TIMP3: variants seen among roughly 807,000 people sequenced by gnomAD.
The protein encoded by TIMP3 is metalloproteinase inhibitor 3.
In TIMP3, 11 loss-of-function variants were observed where a neutral mutation model predicts 30.0. The observed-to-expected ratio is 0.37, with a 90% CI of 0.23 to 0.61. The LOEUF is 0.61. Among genes scored for constraint, TIMP3 ranks in the 20% least tolerant of loss-of-function variants. TIMP3 has a pLI of 0.70. For synonymous variants in TIMP3, 112 were observed against 111.3 expected, an observed-to-expected ratio of 1.01 and a Z score of -0.04; for missense variants, 181 against 276.8, an observed-to-expected ratio of 0.65 and a Z score of 2.45.
At chr22:32,845,095 A>G (rs1473613762) in intron 1 of TIMP3, among the ~76,000 whole-genome samples, 1 of 152,148 alleles carries the variant, frequency 6.6e-6, no homozygotes, top group Non-Finnish European at 1.5e-5. Context: ...AGCAAAAGAA[A>G]TTCTAGAGAG....
At chr22:32,853,765 T>C (rs548461272) in intron 2 of TIMP3, among the ~76,000 whole-genome samples, 8 of 152,340 alleles carry the variant, frequency 5.3e-5, no homozygotes, top group African/African-American at 1.9e-4. Flanking sequence ...AGCTAACTTT[T>C]ATTGAATGTT....
chr22:32,804,595 G>A (rs539499965), intron 1 of TIMP3, among the ~76,000 whole-genome samples: 132 of 152,284 alleles, frequency 8.7e-4, no homozygotes, highest in African/African-American at 3.0e-3. Flanking sequence ...GGTCCTCTCC[G>A]GGGGGCTGCC....
At chr22:32,813,486 T>TACACAC (rs130277) in intron 1 of TIMP3, among the ~76,000 whole-genome samples, 34 of 138,186 alleles carry the variant, frequency 2.5e-4, no homozygotes, top group South Asian at 5.1e-4. Flanking sequence ...TCTGAAAAGA[T>TACACAC]ACACACACAC....
At chr22:32,808,804 T>C (rs2046834340) in intron 1 of TIMP3, among the ~76,000 whole-genome samples, 2 of 152,292 alleles carry the variant, frequency 1.3e-5, no homozygotes, top group South Asian at 4.1e-4. Flanking sequence ...ACACCATCTC[T>C]AGTAAAACCC....
At chr22:32,814,680 A>G (rs2047040694) in intron 1 of TIMP3, among the ~76,000 whole-genome samples, 1 of 152,206 alleles carries the variant, frequency 6.6e-6, no homozygotes, top group South Asian at 2.1e-4. Context: ...TGGATAGTTA[A>G]CATCTGGATT....
intron 1 of TIMP3, among the ~76,000 whole-genome samples, chr22:32,814,838 G>A (rs1247849136): frequency 2.6e-5 from 4 of 152,116 alleles, no homozygotes; most frequent in Non-Finnish European, 5.9e-5. Flanking sequence ...CAGGATTGTG[G>A]CTACACGTGA....
intron 4 of TIMP3, 115 bp downstream of exon 4, chr22:32,858,253 TA>T: frequency 1.4e-6 from 2 of 1,475,386 alleles, no homozygotes; most frequent in Non-Finnish European, 1.8e-6. Context: ...ATGCATGTGT[TA>T]GGCCAGGGCA....
intron 1 of TIMP3, among the ~76,000 whole-genome samples, chr22:32,804,550 T>C (rs1250618223): frequency 1.3e-5 from 2 of 152,216 alleles, no homozygotes; most frequent in Non-Finnish European, 2.9e-5. Context: ...CTTGGTGCCA[T>C]GTTGGCCTAG....
intron 1 of TIMP3, among the ~76,000 whole-genome samples, chr22:32,807,299 T>TATATATAAATATATA (rs1208468158): frequency 7.8e-6 from 1 of 129,004 alleles, no homozygotes; most frequent in African/African-American, 2.9e-5. Context: ...GGAGGATATA[T>TATATATAAATATATA]ATATATAAAT....
At chr22:32,855,574 G>C (rs551970219) in intron 2 of TIMP3, among the ~76,000 whole-genome samples, 1 of 152,194 alleles carries the variant, frequency 6.6e-6, no homozygotes, top group African/African-American at 2.4e-5. Flanking sequence ...CTATAAAATG[G>C]GCATAATAGT....
chr22:32,835,182 A>G (rs968728208), intron 1 of TIMP3, among the ~76,000 whole-genome samples: 1 of 152,204 alleles, frequency 6.6e-6, no homozygotes, highest in Non-Finnish European at 1.5e-5. Context: ...ACAGTAGAGA[A>G]AGGTAGGGTG....
intron 1 of TIMP3, among the ~76,000 whole-genome samples, chr22:32,839,186 G>A (rs1364925113): frequency 6.6e-6 from 1 of 152,082 alleles, no homozygotes; most frequent in Non-Finnish European, 1.5e-5. Flanking sequence ...TATGGTCCCA[G>A]CTCTGAAGAG....
chr22:32,838,875 A>G (rs1245070825), intron 1 of TIMP3, among the ~76,000 whole-genome samples: 1 of 151,876 alleles, frequency 6.6e-6, no homozygotes, highest in East Asian at 2.0e-4. Flanking sequence ...GGAGTCCCAG[A>G]TGCAGTCCCT....
intron 1 of TIMP3, among the ~76,000 whole-genome samples, chr22:32,849,182 G>A (rs1304374502): frequency 6.6e-6 from 1 of 152,176 alleles, no homozygotes; most frequent in Non-Finnish European, 1.5e-5. Context: ...CAGGGTCGGC[G>A]GGGGTTGACT....
chr22:32,852,035 T>G (rs773638639), intron 2 of TIMP3, among the ~76,000 whole-genome samples: 8 of 152,250 alleles, frequency 5.3e-5, no homozygotes, highest in Admixed American at 1.3e-4. Context: ...TGATAAGACT[T>G]GGCATCAGTT....
chr22:32,817,495 A>G lies in TIMP3; in HGVS notation c.121+15373A>G, dbSNP rs376648464. The stretch of plus-strand genomic sequence containing the variant: ...TGTGATTGCTGAGTAGGGAAGAAGA[A>G]ATTAGGAAGTATCATCTGCATTACA... On this transcript the variant is annotated intron_variant, in intron 1 of 4. Coordinates refer to ENST00000266085, the MANE Select transcript of TIMP3 (RefSeq NM_000362.5). 2.6e-5 allele frequency among the ~76,000 whole-genome samples: 4 copies of G among 152,284 alleles called. No homozygotes were observed. In the East Asian group the frequency reaches 7.7e-4, roughly 29 times the overall value.
At chr22:32,843,587 A>G (rs868370058) in intron 1 of TIMP3, among the ~76,000 whole-genome samples, 18 of 152,278 alleles carry the variant, frequency 1.2e-4, no homozygotes, top group Middle Eastern at 3.4e-3. Context: ...GCCGTGAGAC[A>G]AGCTGGGTGA....
intron 1 of TIMP3, among the ~76,000 whole-genome samples, chr22:32,812,807 T>G (rs2046950285): frequency 6.6e-6 from 1 of 152,236 alleles, no homozygotes; most frequent in Non-Finnish European, 1.5e-5. Context: ...GGGCAGTCAC[T>G]ATCTGCTCCC....
chr22:32,844,672 C>T (rs112879295), intron 1 of TIMP3, among the ~76,000 whole-genome samples: 1 of 151,708 alleles, frequency 6.6e-6, no homozygotes, highest in African/African-American at 2.4e-5. Flanking sequence ...TGAAATACTG[C>T]TTATTCCTTA....
Sources: gnomAD v4.1 joint callset for allele counts (sites outside exome capture counted in the v4.1 genomes callset) on GRCh38, gnomAD v4.1.1 for gene constraint, MANE v1.5 for transcripts, NCBI Gene and HGNC (gene_info 2026-07-23, HGNC 2026-07-21) for gene names.